COL11A1: variants seen among roughly 807,000 people sequenced by gnomAD.
The protein encoded by COL11A1 is collagen alpha-1(XI) chain.
Under a neutral mutation model 265.2 loss-of-function variants are expected in COL11A1, and 74 were observed. The ratio of observed to expected loss-of-function variants is 0.28; its 90% CI spans 0.23 to 0.34. The LOEUF (loss-of-function observed/expected upper bound fraction) is 0.34. Among genes scored for constraint, COL11A1 ranks in the 10% least tolerant of loss-of-function variants. The probability of loss-of-function intolerance (pLI) is 1.00; values close to 1 mark genes in which losing one functional copy is unlikely to be tolerated. For missense variants in COL11A1, 2,165 were observed against 2,263.6 expected, an observed-to-expected ratio of 0.96 and a Z score of 0.88; for synonymous variants, 816 against 727.6, an observed-to-expected ratio of 1.12 and a Z score of -1.96.
chr1:103,028,116 C>T lies in COL11A1; in HGVS notation c.781-1784G>A, dbSNP rs187695000. 8.5e-5 allele frequency among the ~76,000 whole-genome samples: 13 copies of T among 152,152 alleles called. No individual in the cohort carries two copies. The East Asian group carries it at 2.5e-3, about 30-fold the overall frequency. On this transcript the variant is annotated intron_variant, in intron 5 of 66. Coordinates refer to ENST00000370096, the MANE Select transcript of COL11A1 (RefSeq NM_001854.4). ...CATGATCTCGGCTCACTGCAACCTC[C>T]ACCTCCCGGGTTCAAGCGATTCTCT... is the stretch of plus-strand genomic sequence containing the variant.
intron 65 of COL11A1, among the ~76,000 whole-genome samples, chr1:102,880,295 G>A (rs1650069895): frequency 6.6e-6 from 1 of 152,084 alleles, no homozygotes; most frequent in Non-Finnish European, 1.5e-5. Flanking sequence ...AGGAATCTCA[G>A]AATAATGCAA....
At position 103,014,606 on chromosome 1, in the gene COL11A1, T is replaced by A. The variant is rs1023414909; in HGVS notation, c.1489-12A>T. The A allele has an allele frequency of 6.2e-7, 1 of 1,610,530 alleles. No individual in the cohort carries two copies. The highest frequency in any genetic ancestry group is 8.5e-7 in the Non-Finnish European group (1 of 1,177,052). ...CCACCATAACGGAACTTGGAAGAGA[T>A]AACATTAAGAAATTCAAAATTAGCT... is the stretch of plus-strand genomic sequence containing the variant. On this transcript the variant is annotated splice_polypyrimidine_tract_variant and intron_variant, in intron 12 of 66. Coordinates refer to ENST00000370096, the MANE Select transcript of COL11A1 (RefSeq NM_001854.4).
At chr1:102,978,645 A>T in intron 35 of COL11A1, 63 bp downstream of exon 35, 1 of 1,546,454 alleles carries the variant, frequency 6.5e-7, no homozygotes, top group Admixed American at 1.7e-5. Flanking sequence ...CTTTTCTCTG[A>T]AATCTAAATA....
intron 4 of COL11A1, among the ~76,000 whole-genome samples, chr1:103,037,429 T>C (rs1668465240): frequency 6.6e-6 from 1 of 152,142 alleles, no homozygotes; most frequent in Admixed American, 6.6e-5. Flanking sequence ...GATTGGTTTA[T>C]GTTAGTTCTC....
rs1652775698 is a variant in COL11A1, at chr1:102,898,776, G to A, written c.4141-3C>T. ...GGACCTTCTGCACCTGCTTCCCCCT[G>A]TTAGAAAGTAAAATATGGGAGCACA... On this transcript the variant is annotated splice_region_variant and splice_polypyrimidine_tract_variant and intron_variant, in intron 55 of 66. Transcript: ENST00000370096. 1 of 1,611,592 alleles carries A rather than the reference G, an allele frequency of 6.2e-7. No homozygotes were observed. The highest frequency in any genetic ancestry group is 8.5e-7 in the Non-Finnish European group (1 of 1,178,474).
At chr1:102,953,736 G>T (rs1194868580) in intron 41 of COL11A1, among the ~76,000 whole-genome samples, 1 of 152,056 alleles carries the variant, frequency 6.6e-6, no homozygotes, top group African/African-American at 2.4e-5. Context: ...ATTAATAAAT[G>T]AATATCAAAA....
At chr1:102,916,620 A>G (rs1655370683) in intron 49 of COL11A1, among the ~76,000 whole-genome samples, 1 of 152,030 alleles carries the variant, frequency 6.6e-6, no homozygotes, top group African/African-American at 2.4e-5. Context: ...ATTACATACA[A>G]ACATAATTTC....
chr1:102,923,408 A>T lies in COL11A1; in HGVS notation c.3601-19T>A. Reference sequence around the variant, plus strand: ...GCAGACCCTAAGAAAATATAATAGAAAAATAATAAAAGTCACTGATGTCTT... The same window carrying T: ...GCAGACCCTAAGAAAATATAATAGATAAATAATAAAAGTCACTGATGTCTT... On this transcript the variant is annotated intron_variant, in intron 46 of 66. Coordinates refer to ENST00000370096, the MANE Select transcript of COL11A1 (RefSeq NM_001854.4). 1 of 1,566,630 alleles carries T rather than the reference A, an allele frequency of 6.4e-7. No homozygotes were observed. Among genetic ancestry groups the T allele is most frequent in the Non-Finnish European group, 8.7e-7 (1 of 1,151,978 alleles).
chr1:103,069,195 A>G (rs976192048), intron 4 of COL11A1, among the ~76,000 whole-genome samples: 1 of 149,544 alleles, frequency 6.7e-6, no homozygotes, highest in Non-Finnish European at 1.5e-5. Context: ...TCAAGATATT[A>G]TGGTAGTAGT....
At chr1:103,071,192 A>G (rs2102262536) in intron 4 of COL11A1, among the ~76,000 whole-genome samples, 1 of 152,086 alleles carries the variant, frequency 6.6e-6, no homozygotes, top group Non-Finnish European at 1.5e-5. Flanking sequence ...ATCTCCCCAA[A>G]GATGGCTATT....
rs2101067052 is a variant in COL11A1, at chr1:102,920,383, A to C, written c.3709-19T>G. The C allele has an allele frequency of 1.2e-6, 2 of 1,607,034 alleles. No homozygotes were observed. Among genetic ancestry groups the C allele is most frequent in the Non-Finnish European group, 1.7e-6 (2 of 1,173,784 alleles). On this transcript the variant is annotated intron_variant, in intron 48 of 66. Coordinates refer to ENST00000370096, the MANE Select transcript of COL11A1 (RefSeq NM_001854.4). Reference sequence around the variant, plus strand: ...GTGGTCCCTGCAGTGTAGAAAAAGGAATGTAATTATCCATATTCTTATTAA... The same window carrying C: ...GTGGTCCCTGCAGTGTAGAAAAAGGCATGTAATTATCCATATTCTTATTAA...
chr1:103,013,051 T>A (rs1186214941), intron 13 of COL11A1, among the ~76,000 whole-genome samples: 1 of 152,124 alleles, frequency 6.6e-6, no homozygotes, highest in Non-Finnish European at 1.5e-5. Flanking sequence ...ATTAGAAATG[T>A]GAAATTAGCA....
chr1:102,888,845 G>A (rs1014638856), intron 60 of COL11A1, 21 bp downstream of exon 60: 17 of 1,612,108 alleles, frequency 1.1e-5, no homozygotes, highest in Non-Finnish European at 1.4e-5. Context: ...ACCTTATAAG[G>A]TTATTTTGTC....
At chr1:102,903,013 C>T (rs557015228) in intron 54 of COL11A1, among the ~76,000 whole-genome samples, 4 of 151,714 alleles carry the variant, frequency 2.6e-5, no homozygotes, top group South Asian at 2.1e-4. Context: ...CAATATGAGC[C>T]GAATTCAAAT....
intron 1 of COL11A1, among the ~76,000 whole-genome samples, chr1:103,102,403 G>A (rs557182791): frequency 6.6e-6 from 1 of 152,054 alleles, no homozygotes; most frequent in South Asian, 2.1e-4. Flanking sequence ...TATAACATCA[G>A]CGTTTATCTC....
intron 58 of COL11A1, 127 bp downstream of exon 58, chr1:102,890,324 C>A (rs1186662080): frequency 1.2e-6 from 1 of 852,640 alleles, no homozygotes; most frequent in South Asian, 1.8e-5. Context: ...AGGATTGAAG[C>A]TTTTTTCAGG....
chr1:102,939,234 CA>C, intron 43 of COL11A1, 146 bp from the exon 44 acceptor site: 1 of 743,744 alleles, frequency 1.3e-6, no homozygotes, highest in Non-Finnish European at 2.3e-6. Flanking sequence ...CTTGGGTTCC[CA>C]CTGCTTCTAG....
At chr1:102,887,606 A>C (rs1168635778) in intron 62 of COL11A1, among the ~76,000 whole-genome samples, 1 of 152,192 alleles carries the variant, frequency 6.6e-6, no homozygotes, top group Non-Finnish European at 1.5e-5. Context: ...CATTACGAGC[A>C]GAGCTATATC....
At chr1:103,069,708 C>G (rs1461177743) in intron 4 of COL11A1, among the ~76,000 whole-genome samples, 1 of 151,806 alleles carries the variant, frequency 6.6e-6, no homozygotes, top group Non-Finnish European at 1.5e-5. Flanking sequence ...ACTCCTTAAA[C>G]TAAAACAAAC....
Sources: gnomAD v4.1 joint callset for allele counts (sites outside exome capture counted in the v4.1 genomes callset) on GRCh38, gnomAD v4.1.1 for gene constraint, MANE v1.5 for transcripts, NCBI Gene and HGNC (gene_info 2026-07-23, HGNC 2026-07-21) for gene names.